NEK11: variants seen among roughly 807,000 people sequenced by gnomAD.
NEK11 encodes the protein serine/threonine-protein kinase Nek11.
A neutral mutation model predicts 80.7 loss-of-function variants in NEK11; 72 were observed. That is an observed-to-expected ratio of 0.89 (90% CI 0.74 to 1.08). The LOEUF (loss-of-function observed/expected upper bound fraction) is 1.08. Ranked by LOEUF, NEK11 falls within the 50% of genes least tolerant of loss-of-function variation. NEK11 has a pLI of 0.00. For missense variants in NEK11, 764 were observed against 763.6 expected (o/e 1.00, Z -0.01); for synonymous variants, 251 against 260.7 (o/e 0.96, Z 0.36).
chr3:131,287,350 T>G (rs765366660), intron 17 of NEK11, among the ~76,000 whole-genome samples: 4 of 152,176 alleles, frequency 2.6e-5, no homozygotes, highest in Non-Finnish European at 5.9e-5. Flanking sequence ...CTCAGCTCAC[T>G]GCAACCTCCG....
chr3:131,078,113 C>G (rs2074668787), intron 3 of NEK11, among the ~76,000 whole-genome samples: 1 of 152,136 alleles, frequency 6.6e-6, no homozygotes, highest in East Asian at 1.9e-4. Context: ...AAATTGGCCT[C>G]CTCTTTGTGG....
rs963940452 is a variant in NEK11 at position 131,054,051 on chromosome 3, T to C, written c.170+24173T>C. On this transcript the variant is annotated intron_variant, in intron 3 of 17. Coordinates refer to ENST00000383366, the MANE Select transcript of NEK11 (RefSeq NM_024800.5). Reference sequence around the variant, plus strand: ...AGGGTGTAACCCGGTTTAGAGCTCTTATTAAGAGTCAACATTTGGCCAGGC... The same window carrying C: ...AGGGTGTAACCCGGTTTAGAGCTCTCATTAAGAGTCAACATTTGGCCAGGC... Among the ~76,000 whole-genome samples, 8 of 152,318 alleles carry C rather than the reference T, an allele frequency of 5.3e-5. No individual in the cohort carries two copies. In the South Asian group the frequency reaches 8.3e-4, roughly 16 times the overall value.
chr3:131,067,034 G>A (rs1055053239), intron 3 of NEK11, among the ~76,000 whole-genome samples: 3 of 152,174 alleles, frequency 2.0e-5, no homozygotes, highest in African/African-American at 4.8e-5. Context: ...CATGTATGGC[G>A]CTTACTATTG....
intron 4 of NEK11, among the ~76,000 whole-genome samples, chr3:131,082,184 A>G (rs1314281025): frequency 6.6e-6 from 1 of 152,130 alleles, no homozygotes; most frequent in Non-Finnish European, 1.5e-5. Flanking sequence ...GTGATCAGTG[A>G]TATTGAATAT....
At chr3:131,203,763 GTGTGTATATATATATATATATA>G (rs2094342600) in intron 14 of NEK11, among the ~76,000 whole-genome samples, 1 of 35,526 alleles carries the variant, frequency 2.8e-5, no homozygotes, top group African/African-American at 1.1e-4. Flanking sequence ...GTGTGTGTGT[GTGTGTATATATATATATATATA>G]TATATATATA....
intron 17 of NEK11, among the ~76,000 whole-genome samples, chr3:131,346,722 C>T (rs1054823271): frequency 6.6e-6 from 1 of 151,844 alleles, no homozygotes. Flanking sequence ...GGGGTAGAGT[C>T]GAAGTGAAGG....
At chr3:131,154,509 T>C (rs1258380462) in intron 9 of NEK11, among the ~76,000 whole-genome samples, 1 of 152,240 alleles carries the variant, frequency 6.6e-6, no homozygotes. Flanking sequence ...TGAGGTGGAA[T>C]TGTGCAAGTT....
At chr3:131,181,085 A>G (rs1173825613) in intron 14 of NEK11, among the ~76,000 whole-genome samples, 2 of 152,216 alleles carry the variant, frequency 1.3e-5, no homozygotes, top group African/African-American at 4.8e-5. Context: ...GAATATGTTA[A>G]GTTACATGAC....
chr3:131,255,058 C>G (rs899806284), intron 16 of NEK11, among the ~76,000 whole-genome samples: 44 of 138,168 alleles, frequency 3.2e-4, no homozygotes, highest in East Asian at 2.0e-3. Flanking sequence ...GAGAGACAGA[C>G]AGACAGACAG....
chr3:131,038,083 T>C (rs1286916323), intron 3 of NEK11, among the ~76,000 whole-genome samples: 3 of 151,088 alleles, frequency 2.0e-5, no homozygotes, highest in African/African-American at 7.3e-5. Flanking sequence ...AAAAAAAAAA[T>C]CTTCCTGCTT....
chr3:131,120,491 A>T (rs2082177510), intron 5 of NEK11, among the ~76,000 whole-genome samples: 1 of 152,040 alleles, frequency 6.6e-6, no homozygotes, highest in Non-Finnish European at 1.5e-5. Context: ...TCTTTGTGGC[A>T]TTCTCTGTGT....
intron 17 of NEK11, among the ~76,000 whole-genome samples, chr3:131,340,601 T>C (rs1173955579): frequency 1.3e-5 from 2 of 152,162 alleles, no homozygotes; most frequent in Non-Finnish European, 2.9e-5. Context: ...TGGTGTTTAA[T>C]AGTTTTTCAT....
chr3:131,317,115 G>A (rs1439427644), intron 17 of NEK11, among the ~76,000 whole-genome samples: 3 of 152,150 alleles, frequency 2.0e-5, no homozygotes, highest in Non-Finnish European at 4.4e-5. Context: ...AATGGGGTGA[G>A]GCTTCCATCC....
At chr3:131,090,856 C>T (rs1365340748) in intron 4 of NEK11, among the ~76,000 whole-genome samples, 2 of 152,124 alleles carry the variant, frequency 1.3e-5, no homozygotes, top group Non-Finnish European at 2.9e-5. Flanking sequence ...CCTCAATCTC[C>T]TGGACTCAAA....
At chr3:131,338,244 C>T (rs546400184) in intron 17 of NEK11, among the ~76,000 whole-genome samples, 3 of 143,634 alleles carry the variant, frequency 2.1e-5, no homozygotes, top group African/African-American at 7.7e-5. Flanking sequence ...GGATTACAGG[C>T]ATGAGCCACG....
intron 14 of NEK11, among the ~76,000 whole-genome samples, chr3:131,208,773 A>G (rs558804622): frequency 6.6e-6 from 1 of 151,998 alleles, no homozygotes; most frequent in East Asian, 1.9e-4. Flanking sequence ...TTTGTCTGTT[A>G]TTGGTGTATA....
At chr3:131,186,379 C>T (rs1320756380) in intron 14 of NEK11, among the ~76,000 whole-genome samples, 1 of 152,130 alleles carries the variant, frequency 6.6e-6, no homozygotes, top group African/African-American at 2.4e-5. Flanking sequence ...AAATTATCAT[C>T]TTTGTCAGGT....
intron 11 of NEK11, among the ~76,000 whole-genome samples, chr3:131,162,950 G>C (rs2091812206): frequency 6.6e-6 from 1 of 152,180 alleles, no homozygotes; most frequent in Admixed American, 6.5e-5. Flanking sequence ...GAAATTGTTA[G>C]CTTTTGGAAG....
intron 17 of NEK11, among the ~76,000 whole-genome samples, chr3:131,321,182 C>A (rs2096893792): frequency 6.6e-6 from 1 of 152,068 alleles, no homozygotes; most frequent in South Asian, 2.1e-4. Flanking sequence ...GAATAGAGAA[C>A]CCAGAAATAA....
Sources: gnomAD v4.1 joint callset for allele counts (sites outside exome capture counted in the v4.1 genomes callset) on GRCh38, gnomAD v4.1.1 for gene constraint, MANE v1.5 for transcripts, NCBI Gene and HGNC (gene_info 2026-07-23, HGNC 2026-07-21) for gene names.